The following PTGFRN variants were observed in gnomAD, a reference collection of about 807,000 sequenced individuals.
The protein encoded by PTGFRN is prostaglandin F2 receptor inhibitor, also known as prostaglandin F2 receptor negative regulator.
PTGFRN carries 35 observed loss-of-function variants against 83.2 expected under a neutral mutation model. The ratio of observed to expected loss-of-function variants is 0.42; its 90% confidence interval spans 0.32 to 0.56. The LOEUF (loss-of-function observed/expected upper bound fraction) is 0.56, where lower values mean the gene tolerates loss of function less well. PTGFRN is among the 20% of genes least tolerant of loss of function. PTGFRN has a pLI of 0.11. For synonymous variants in PTGFRN, 519 were observed against 498.6 expected (o/e 1.04, Z -0.55); for missense variants, 1,051 against 1,179.5 (o/e 0.89, Z 1.60).
intron 2 of PTGFRN, among the ~76,000 whole-genome samples, chr1:116,942,364 G>A (rs962273037): frequency 6.6e-6 from 1 of 152,152 alleles, no homozygotes; most frequent in Admixed American, 6.5e-5. Flanking sequence ...AGCATGATGC[G>A]GTGGTGGAGA....
At chr1:116,910,650 G>A (rs1649244816) in intron 1 of PTGFRN, among the ~76,000 whole-genome samples, 1 of 152,078 alleles carries the variant, frequency 6.6e-6, no homozygotes, top group Admixed American at 6.5e-5. Flanking sequence ...GAGCGGAAAT[G>A]TGAGCCTTTG....
chr1:116,972,850 A>G (rs1651043673), intron 6 of PTGFRN, among the ~76,000 whole-genome samples: 1 of 152,264 alleles, frequency 6.6e-6, no homozygotes, highest in Non-Finnish European at 1.5e-5. Context: ...AGTGAGTTAA[A>G]AATAATAATT....
In PTGFRN at chr1:116,944,743, G is replaced by C. The variant is rs772434205; in HGVS notation, c.483G>C (p.Glu161Asp). The C allele has an allele frequency of 1.1e-5, 17 of 1,487,160 alleles. No homozygotes were observed. The East Asian group carries it at 2.4e-4, about 21-fold the overall frequency. 92.1% of individuals were successfully genotyped at this position (1,487,160 alleles called of 1,614,324 possible). Reference protein sequence around the residue: ...ARPPPSLSLREGEPFELRCTA... With the variant: ...ARPPPSLSLRDGEPFELRCTA... Reference sequence around the variant, plus strand: ...CCCCGCCGAGCCTGAGCCTGCGGGAGGGGGAGCCCTTCGAGCTGCGCTGCA... The same window carrying C: ...CCCCGCCGAGCCTGAGCCTGCGGGACGGGGAGCCCTTCGAGCTGCGCTGCA... The change falls in exon 3 of 9, where the codon GAG becomes GAC. Residue 161 changes from glutamate to aspartate, a missense_variant. Around this residue, in one of 3 missense-constraint regions of PTGFRN, gnomAD observed 205 missense variants for 174.5 expected, o/e 1.17. Coordinates refer to ENST00000393203, the MANE Select transcript of PTGFRN (RefSeq NM_020440.4).
chr1:116,920,178 C>T (rs2250855), intron 1 of PTGFRN, among the ~76,000 whole-genome samples: 25,642 of 152,150 alleles, frequency 0.17, 4,494 homozygotes, highest in African/African-American at 0.45. Context: ...CTTGTGTAGG[C>T]GACTGCTGCC....
At chr1:116,971,109 C>A (rs1650982760) in intron 6 of PTGFRN, among the ~76,000 whole-genome samples, 1 of 152,162 alleles carries the variant, frequency 6.6e-6, no homozygotes, top group African/African-American at 2.4e-5. Flanking sequence ...TGTTCATCTT[C>A]CTAGAATGTT....
Position 116,923,960 on chromosome 1 carries a change from A to T in PTGFRN, c.49+13708A>T, listed in dbSNP as rs1179625161. Among the ~76,000 whole-genome samples the T allele has an allele frequency of 6.6e-6, 1 of 152,104 alleles. No individual in the cohort carries two copies. The highest frequency in any genetic ancestry group is 2.4e-5 in the African/African-American group (1 of 41,412). ...GAGGATGACACACACACAGGAAGAG[A>T]GGTGGCATGGACGAAGTGTCATCCA... On this transcript the variant is annotated intron_variant, in intron 1 of 8. Coordinates refer to ENST00000393203, the MANE Select transcript of PTGFRN (RefSeq NM_020440.4). The surrounding 1 kb of genome is among the most constrained non-coding windows in gnomAD (Gnocchi z 4.0).
chr1:116,970,515 GAC>G (rs1403031365), intron 6 of PTGFRN, among the ~76,000 whole-genome samples: 3 of 152,140 alleles, frequency 2.0e-5, no homozygotes, highest in East Asian at 3.8e-4. Flanking sequence ...GAAAAGGGGA[GAC>G]ACAGAGTATT....
chr1:116,931,975 A>G (rs1649814307), intron 1 of PTGFRN, among the ~76,000 whole-genome samples: 2 of 152,210 alleles, frequency 1.3e-5, no homozygotes, highest in South Asian at 4.1e-4. Flanking sequence ...TGGATTCAAT[A>G]ACTGCTGATA....
chr1:116,930,903 T>TC (rs34677937), intron 1 of PTGFRN, among the ~76,000 whole-genome samples: 2 of 152,092 alleles, frequency 1.3e-5, no homozygotes, highest in Non-Finnish European at 2.9e-5. Context: ...CTGTTAAACC[T>TC]CCCCCTCATC....
chr1:116,951,750 G>A lies in PTGFRN; in HGVS notation c.1213+2178G>A, dbSNP rs547179173. The stretch of plus-strand genomic sequence containing the variant: ...AGCTGCTTGGACACTTGTCAGGAGC[G>A]GGTAGGGCATGAGCATAGCAGCAGA... On this transcript the variant is annotated intron_variant, in intron 4 of 8. Transcript: ENST00000393203. Among the ~76,000 whole-genome samples the A allele has an allele frequency of 1.8e-4, 27 of 152,126 alleles. 1 individual carries two copies. The South Asian group carries it at 5.6e-3, about 32-fold the overall frequency.
chr1:116,950,704 C>A (rs1650321642), intron 4 of PTGFRN, among the ~76,000 whole-genome samples: 1 of 151,752 alleles, frequency 6.6e-6, no homozygotes, highest in Admixed American at 6.6e-5. Flanking sequence ...CCAGTGGAGA[C>A]AGAGGGGGCA....
intron 1 of PTGFRN, among the ~76,000 whole-genome samples, chr1:116,933,786 T>G (rs1570651386): frequency 6.6e-6 from 1 of 152,232 alleles, no homozygotes; most frequent in Non-Finnish European, 1.5e-5. Context: ...TCATTTCCGT[T>G]GAAAGTTAGC....
Position 116,961,367 on chromosome 1 carries a change from G to A in PTGFRN, c.1338G>A (p.Ser446=), listed in dbSNP as rs779500039. 2.3e-5 allele frequency: 37 copies of A among 1,601,852 alleles called. No individual in the cohort carries two copies. Among genetic ancestry groups the A allele is most frequent in the South Asian group, 4.5e-5 (4 of 89,884 alleles). Residue 446 remains serine (S), a synonymous_variant, in exon 5 of 9, where the codon TCG becomes TCA. Transcript: ENST00000393203. The surrounding 1 kb of genome is among the most constrained non-coding windows in gnomAD (Gnocchi z 5.4). ...SGEANVRFTV[S]WYYRMNRRSD... ...AGGCGAATGTCCGATTCACGGTTTC[G>A]TGGTACTACAGGATGAACCGGCGCA...
At position 116,963,036 on chromosome 1, in the gene PTGFRN, G is replaced by GCTTC. The variant is rs539587773; in HGVS notation, c.1639+1374_1639+1377dup. On this transcript the variant is annotated intron_variant, in intron 5 of 8. Transcript: ENST00000393203. ...AATCACTCCCTTGCATACACCCCTA[G>GCTTC]CTTCCTTCCCCTCTCGGTTTGCATT... 4.5e-4 allele frequency among the ~76,000 whole-genome samples: 69 copies of GCTTC among 152,220 alleles called. 2 individuals carry two copies. In the East Asian group the frequency reaches 0.012, roughly 27 times the overall value.
chr1:116,922,416 A>G (rs565991626), intron 1 of PTGFRN, among the ~76,000 whole-genome samples: 5 of 152,318 alleles, frequency 3.3e-5, no homozygotes, highest in African/African-American at 9.6e-5. Context: ...CATGTGATCT[A>G]TTCATCGGAG....
intron 4 of PTGFRN, among the ~76,000 whole-genome samples, chr1:116,957,928 C>T (rs1488953478): frequency 6.6e-6 from 1 of 151,942 alleles, no homozygotes; most frequent in African/African-American, 2.4e-5. Context: ...TCTGTGTTGT[C>T]GCAAATGGCA....
intron 7 of PTGFRN, among the ~76,000 whole-genome samples, chr1:116,978,629 TTATCTC>T (rs1175284846): frequency 2.0e-5 from 3 of 152,312 alleles, no homozygotes; most frequent in African/African-American, 7.2e-5. Context: ...AACCACATGA[TTATCTC>T]AATAGATGCA....
At position 116,988,932 on chromosome 1, in the gene PTGFRN, C is replaced by G. The variant is rs1651612307; in HGVS notation, c.*1965C>G. The G allele has an allele frequency of 6.6e-6, 1 of 152,210 alleles. No individual in the cohort carries two copies. Among genetic ancestry groups the G allele is most frequent in the African/African-American group, 2.4e-5 (1 of 41,450 alleles). The allele number at this position is 152,210 out of a possible 1,614,324, so 9.4% of individuals were successfully genotyped here. A position where few individuals can be genotyped will look rare whatever the true frequency, so the allele number is the denominator to read the frequency against. ...GTATTTTCTGCATGTCATAACATAT[C>G]CTAACTGCTATTTCAGAAGAGGCAG... On this transcript the variant is annotated 3_prime_UTR_variant, in exon 9 of 9. Coordinates refer to ENST00000393203, the MANE Select transcript of PTGFRN (RefSeq NM_020440.4).
intron 1 of PTGFRN, among the ~76,000 whole-genome samples, chr1:116,927,986 T>C (rs1250466241): frequency 1.3e-5 from 2 of 152,182 alleles, no homozygotes; most frequent in East Asian, 3.8e-4. Context: ...CAGATATAAA[T>C]GGCAGGATAG....
Sources: gnomAD v4.1 joint callset for allele counts (sites outside exome capture counted in the v4.1 genomes callset) on GRCh38, gnomAD v4.1.1 for gene constraint, gnomAD v4.1.1 regional missense constraint, Gnocchi (gnomAD v3.1) non-coding constraint, MANE v1.5 for transcripts, NCBI Gene and HGNC (gene_info 2026-07-23, HGNC 2026-07-21) for gene names.